Variants in LSAMP observed in about 807,000 individuals in gnomAD.
LSAMP encodes limbic system-associated membrane protein.
Under a neutral mutation model 38.6 loss-of-function variants are expected in LSAMP, and 7 were observed. The ratio of observed to expected loss-of-function variants is 0.18; its 90% CI spans 0.10 to 0.34. The LOEUF (loss-of-function observed/expected upper bound fraction) is 0.34. Ranked by LOEUF, LSAMP falls within the 10% of genes least tolerant of loss-of-function variation. The pLI is 1.00. For synonymous variants in LSAMP, 154 were observed against 166.8 expected (o/e 0.92, Z 0.59); for missense variants, 313 against 420.0 (o/e 0.75, Z 2.23).
chr3:116,081,084 A>G (rs1470998947), intron 2 of LSAMP, among the ~76,000 whole-genome samples: 17 of 152,232 alleles, frequency 1.1e-4, no homozygotes, highest in Non-Finnish European at 5.9e-5. Context: ...GATTTTGGTC[A>G]GCATTTGGAA....
chr3:116,367,418 C>T (rs537494375), intron 1 of LSAMP, among the ~76,000 whole-genome samples: 2 of 151,794 alleles, frequency 1.3e-5, no homozygotes, highest in South Asian at 4.2e-4. Flanking sequence ...TCAGATGTAC[C>T]TCTCTCACCA....
At chr3:116,001,348 C>CA (rs1285911844) in intron 3 of LSAMP, among the ~76,000 whole-genome samples, 3 of 151,888 alleles carry the variant, frequency 2.0e-5, no homozygotes, top group East Asian at 3.9e-4. Context: ...ACCATTATGC[C>CA]AAAAAAAGGA....
chr3:115,883,723 A>G (rs1936380416), intron 3 of LSAMP, among the ~76,000 whole-genome samples: 1 of 152,032 alleles, frequency 6.6e-6, no homozygotes, highest in Non-Finnish European at 1.5e-5. Flanking sequence ...TTTATGCATT[A>G]CTGTAGATGT....
At chr3:116,156,739 C>A (rs531974771) in intron 1 of LSAMP, among the ~76,000 whole-genome samples, 5 of 151,950 alleles carry the variant, frequency 3.3e-5, no homozygotes, top group African/African-American at 1.2e-4. Context: ...TGACACAATA[C>A]CATACCTGAA....
chr3:116,309,389 A>G (rs1330860482), intron 1 of LSAMP, among the ~76,000 whole-genome samples: 2 of 152,102 alleles, frequency 1.3e-5, no homozygotes, highest in African/African-American at 4.8e-5. Flanking sequence ...CCATATAGTA[A>G]CCGTGAGCTA....
intron 1 of LSAMP, among the ~76,000 whole-genome samples, chr3:116,408,359 C>CA (rs1469468152): frequency 6.6e-6 from 1 of 151,976 alleles, no homozygotes; most frequent in Non-Finnish European, 1.5e-5. Context: ...TAACTAAAAT[C>CA]AAAAATTTAT....
chr3:116,018,391 A>T (rs954934304), intron 3 of LSAMP, among the ~76,000 whole-genome samples: 1 of 152,174 alleles, frequency 6.6e-6, no homozygotes, highest in African/African-American at 2.4e-5. Flanking sequence ...GTCTTTTAGA[A>T]ATGTCTCAGT....
intron 1 of LSAMP, among the ~76,000 whole-genome samples, chr3:116,322,553 T>C (rs2107731673): frequency 6.6e-6 from 1 of 152,306 alleles, no homozygotes; most frequent in Non-Finnish European, 1.5e-5. Context: ...TATTTTATGT[T>C]ATATGTGGAA....
In LSAMP at chr3:116,173,259, G is replaced by A. The variant is rs1464412774; in HGVS notation, c.156-86703C>T. 1.3e-5 allele frequency among the ~76,000 whole-genome samples: 2 copies of A among 151,994 alleles called. 1 individual carries two copies. The highest frequency in any genetic ancestry group is 2.9e-5 in the Non-Finnish European group (2 of 67,932). ...TTAGCTGTCCTGGATGCAAGCATGG[G>A]CCTCTTGTAACAAAGCAGACCTCTA... On this transcript the variant is annotated intron_variant, in intron 1 of 6. Coordinates refer to ENST00000490035, the MANE Select transcript of LSAMP (RefSeq NM_002338.5).
At chr3:116,154,700 C>T (rs1330639533) in intron 1 of LSAMP, among the ~76,000 whole-genome samples, 1 of 152,198 alleles carries the variant, frequency 6.6e-6, no homozygotes, top group Admixed American at 6.5e-5. Flanking sequence ...ACATATCCTT[C>T]CCCCATCCCT....
chr3:116,226,640 A>G (rs1372040775), intron 1 of LSAMP, among the ~76,000 whole-genome samples: 1 of 152,212 alleles, frequency 6.6e-6, no homozygotes, highest in Non-Finnish European at 1.5e-5. Context: ...GCAGAATTAC[A>G]TATTAGGTAG....
At chr3:116,098,754 AT>A (rs895508261) in intron 1 of LSAMP, among the ~76,000 whole-genome samples, 150 of 151,170 alleles carry the variant, frequency 9.9e-4, no homozygotes, top group Middle Eastern at 3.4e-3. Flanking sequence ...TCACCAAAGC[AT>A]TTTTTTTTCC....
rs115872647 is a variant in LSAMP, at chr3:116,068,538, T to C, written c.388+17786A>G. Among the ~76,000 whole-genome samples the C allele has an allele frequency of 4.4e-3, 666 of 152,314 alleles. 7 individuals carry two copies. The highest frequency in any genetic ancestry group is 0.016 in the African/African-American group (649 of 41,576). On this transcript the variant is annotated intron_variant, in intron 2 of 6. Transcript: ENST00000490035. ...AGAAAAAGTACTCAATGATTATCAG[T>C]TGGGCAATGTTTATTACAGCCTTGT...
chr3:116,144,615 A>C (rs888783123), intron 1 of LSAMP, among the ~76,000 whole-genome samples: 9 of 148,726 alleles, frequency 6.1e-5, no homozygotes, highest in African/African-American at 2.0e-4. Flanking sequence ...AGGTACATTA[A>C]ATTTTCCACT....
At chr3:116,302,957 CAG>C (rs1452865483) in intron 1 of LSAMP, among the ~76,000 whole-genome samples, 1 of 152,178 alleles carries the variant, frequency 6.6e-6, no homozygotes, top group African/African-American at 2.4e-5. Flanking sequence ...TTTTCAAAAA[CAG>C]AGAATCTATA....
At chr3:116,238,039 C>G (rs73140978) in intron 1 of LSAMP, among the ~76,000 whole-genome samples, 20,256 of 152,126 alleles carry the variant, frequency 0.13, 1,491 homozygotes, top group Admixed American at 0.19. Flanking sequence ...ATCCCTTCCT[C>G]CACCCAGTTG....
rs35112915 is a variant in LSAMP at position 115,869,269 on chromosome 3, G to GGAGAGAGA, written c.515-16660_515-16653dup. On this transcript the variant is annotated intron_variant, in intron 3 of 6. Transcript: ENST00000490035. ...CCTTCATAACCTCTATCTTGGAGGG[G>GGAGAGAGA]GAGAGAGAGAGAGAGAGAGAGAGAG... 4.0e-3 allele frequency among the ~76,000 whole-genome samples: 514 copies of GGAGAGAGA among 128,504 alleles called. 4 individuals carry two copies. The highest frequency in any genetic ancestry group is 0.013 in the African/African-American group (467 of 35,814). The allele number at this position is 128,504 out of a possible 152,430, so 84.3% of individuals were successfully genotyped here. A position where few individuals can be genotyped will look rare whatever the true frequency, so the allele number is the denominator to read the frequency against.
chr3:115,919,804 G>T (rs1214649126), intron 3 of LSAMP, among the ~76,000 whole-genome samples: 2 of 152,062 alleles, frequency 1.3e-5, no homozygotes, highest in East Asian at 1.9e-4. Flanking sequence ...TAGAGACGGG[G>T]TTTCACCATG....
chr3:116,011,740 G>C (rs552282054), intron 3 of LSAMP, among the ~76,000 whole-genome samples: 1 of 151,654 alleles, frequency 6.6e-6, no homozygotes, highest in East Asian at 1.9e-4. Flanking sequence ...TCAAGATAAT[G>C]TGTGAAATTA....
Sources: gnomAD v4.1 joint callset for allele counts (sites outside exome capture counted in the v4.1 genomes callset) on GRCh38, gnomAD v4.1.1 for gene constraint, MANE v1.5 for transcripts, NCBI Gene and HGNC (gene_info 2026-07-23, HGNC 2026-07-21) for gene names.